Variants in GRIA3 observed in about 807,000 individuals in gnomAD.
GRIA3 encodes the protein glutamate receptor 3.
Under a neutral mutation model 63.0 loss-of-function variants are expected in GRIA3, and 3 were observed. That is an observed-to-expected ratio of 0.05 (90% CI 0.02 to 0.12). The LOEUF is 0.12. Ranked by LOEUF, GRIA3 falls within the 10% of genes least tolerant of loss-of-function variation. The probability of loss-of-function intolerance (pLI) is 1.00; values close to 1 mark genes in which losing one functional copy is unlikely to be tolerated. For missense variants in GRIA3, 347 were observed against 700.9 expected, an observed-to-expected ratio of 0.50 and a Z score of 5.70; for synonymous variants, 274 against 257.9, an observed-to-expected ratio of 1.06 and a Z score of -0.60.
chrX:123,270,879 C>A (rs1412823263), intron 3 of GRIA3, among the ~76,000 whole-genome samples: 4 of 112,358 alleles, frequency 3.6e-5, no homozygotes, highest in African/African-American at 1.3e-4. Flanking sequence ...AGTAATTTCA[C>A]ATTTAGTTAC....
chrX:123,220,482 CAAT>C (rs765815710), intron 2 of GRIA3, among the ~76,000 whole-genome samples: 173 of 112,080 alleles, frequency 1.5e-3, no homozygotes, highest in Non-Finnish European at 2.7e-3. Context: ...GTAAATTATA[CAAT>C]GAGTTTCTGC....
At chrX:123,448,832 C>T (rs940680802) in intron 12 of GRIA3, among the ~76,000 whole-genome samples, 1 of 111,703 alleles carries the variant, frequency 9.0e-6, no homozygotes, top group Admixed American at 9.5e-5. Flanking sequence ...ACAGCAGGTA[C>T]CACAATTCCT....
intron 3 of GRIA3, among the ~76,000 whole-genome samples, chrX:123,292,714 A>C (rs2147309019): frequency 9.0e-6 from 1 of 111,618 alleles, no homozygotes; most frequent in South Asian, 3.8e-4. Context: ...TAGTAAAGTC[A>C]GAATGGAAAA....
In GRIA3 at chrX:123,480,169, G is replaced by A. The variant is rs745584328; in HGVS notation, c.2431G>A (p.Gly811Arg). The stretch of plus-strand genomic sequence containing the variant: ...GGGGGAATGTGGAGCCAAGGACTCC[G>A]GGAGTAAGGTCAGTCGCTGAAGGTC... ...DKGECGAKDSGSKDKTSALSL... is the reference protein window; with the variant it reads ...DKGECGAKDSRSKDKTSALSL... Residue 811 changes from glycine to arginine, a missense_variant, in exon 14 of 16, where the codon GGG becomes AGG. Transcript: ENST00000620443. 2.6e-6 allele frequency: 3 copies of A among 1,139,253 alleles called. No homozygotes were observed. The highest frequency in any genetic ancestry group is 1.8e-5 in the South Asian group (1 of 55,328). The allele number at this position is 1,139,253 out of a possible 1,213,427, so 93.9% of individuals were successfully genotyped here.
At chrX:123,408,042 A>T (rs1323450745) in intron 10 of GRIA3, among the ~76,000 whole-genome samples, 1 of 110,626 alleles carries the variant, frequency 9.0e-6, no homozygotes, top group Non-Finnish European at 1.9e-5. Context: ...GCTCACTGCA[A>T]CCTCTGCCTC....
At chrX:123,220,944 C>G (rs1293966085) in intron 2 of GRIA3, among the ~76,000 whole-genome samples, 1 of 112,425 alleles carries the variant, frequency 8.9e-6, no homozygotes, top group Non-Finnish European at 1.9e-5. Context: ...GGCACTTACA[C>G]ACTCATAGTT....
chrX:123,456,252 C>G (rs898779602), intron 12 of GRIA3, among the ~76,000 whole-genome samples: 2 of 111,475 alleles, frequency 1.8e-5, no homozygotes, highest in African/African-American at 6.5e-5. Flanking sequence ...ACCCACCTCA[C>G]AGGGCTGCTG....
chrX:123,269,706 T>C (rs1035413962), intron 3 of GRIA3, among the ~76,000 whole-genome samples: 1 of 111,712 alleles, frequency 9.0e-6, no homozygotes, highest in African/African-American at 3.3e-5. Context: ...ATACTGGTGA[T>C]CAGAAAGCGG....
At chrX:123,347,753 G>A (rs148335850) in intron 4 of GRIA3, among the ~76,000 whole-genome samples, 3,619 of 112,323 alleles carry the variant, frequency 0.032, 160 homozygotes, top group African/African-American at 0.11. Flanking sequence ...ATCCGACTTC[G>A]AGGTTTATGT....
At chrX:123,321,384 G>A (rs372693672) in intron 3 of GRIA3, among the ~76,000 whole-genome samples, 2 of 111,921 alleles carry the variant, frequency 1.8e-5, no homozygotes, top group East Asian at 5.6e-4. Context: ...AAAAGACCCC[G>A]TCAGAAGTAC....
At chrX:123,353,582 T>C (rs1205327491) in intron 4 of GRIA3, among the ~76,000 whole-genome samples, 1 of 112,015 alleles carries the variant, frequency 8.9e-6, no homozygotes, top group Non-Finnish European at 1.9e-5. Flanking sequence ...ATGTGCAATT[T>C]TGAGGCCTTC....
intron 3 of GRIA3, among the ~76,000 whole-genome samples, chrX:123,279,125 C>T (rs937462812): frequency 1.8e-5 from 2 of 111,304 alleles, no homozygotes; most frequent in Admixed American, 1.9e-4. Flanking sequence ...GAAAGACACA[C>T]ACTGCATGAT....
intron 2 of GRIA3, among the ~76,000 whole-genome samples, chrX:123,238,113 C>G (rs2044310812): frequency 8.9e-6 from 1 of 111,997 alleles, no homozygotes; most frequent in African/African-American, 3.2e-5. Context: ...CAGGGTACAA[C>G]TGAACGGTTT....
intron 3 of GRIA3, among the ~76,000 whole-genome samples, chrX:123,267,768 T>G (rs1267140430): frequency 7.1e-5 from 8 of 112,035 alleles, no homozygotes; most frequent in Non-Finnish European, 1.3e-4. Flanking sequence ...TCATAATGCA[T>G]CTTCCTTCTT....
intron 5 of GRIA3, among the ~76,000 whole-genome samples, chrX:123,366,894 A>G (rs1486526158): frequency 8.9e-6 from 1 of 111,746 alleles, no homozygotes; most frequent in African/African-American, 3.3e-5. Flanking sequence ...AAAATAAAAT[A>G]AGAAATTAAT....
intron 2 of GRIA3, among the ~76,000 whole-genome samples, chrX:123,217,312 C>T (rs1440351908): frequency 9.0e-6 from 1 of 111,256 alleles, no homozygotes; most frequent in East Asian, 2.8e-4. Context: ...TCTGTAAGAA[C>T]CTGGAACACC....
At chrX:123,255,126 A>T (rs946716658) in intron 3 of GRIA3, among the ~76,000 whole-genome samples, 12 of 112,078 alleles carry the variant, frequency 1.1e-4, no homozygotes, top group African/African-American at 3.9e-4. Flanking sequence ...TGAGTGCTAC[A>T]CTGTATACTC....
At chrX:123,350,336 A>G (rs2045085816) in intron 4 of GRIA3, among the ~76,000 whole-genome samples, 1 of 111,022 alleles carries the variant, frequency 9.0e-6, no homozygotes, top group South Asian at 3.8e-4. Flanking sequence ...ACAAGGAGAT[A>G]CTTAGGTCTA....
At chrX:123,239,305 G>A (rs984990956) in intron 2 of GRIA3, among the ~76,000 whole-genome samples, 1 of 110,520 alleles carries the variant, frequency 9.0e-6, no homozygotes, top group African/African-American at 3.3e-5. Flanking sequence ...CCTGTGTCCT[G>A]TTTCCTCAGT....
Sources: gnomAD v4.1 joint callset for allele counts (sites outside exome capture counted in the v4.1 genomes callset) on GRCh38, gnomAD v4.1.1 for gene constraint, MANE v1.5 for transcripts, NCBI Gene and HGNC (gene_info 2026-07-23, HGNC 2026-07-21) for gene names.